OTUD7B: variants seen among roughly 807,000 people sequenced by gnomAD.
OTUD7B encodes OTU deubiquitinase 7B, also known as OTU domain-containing protein 7B.
Under a neutral mutation model 82.2 loss-of-function variants are expected in OTUD7B, and 34 were observed. The ratio of observed to expected loss-of-function variants is 0.41; its 90% CI spans 0.31 to 0.55. The LOEUF (loss-of-function observed/expected upper bound fraction) is 0.55, where lower values mean the gene tolerates loss of function less well. Among genes scored for constraint, OTUD7B ranks in the 20% least tolerant of loss-of-function variants. The pLI is 0.20. For missense variants in OTUD7B, 944 were observed against 1,062.1 expected (o/e 0.89, Z 1.55); for synonymous variants, 398 against 402.7 (o/e 0.99, Z 0.14).
chr1:149,998,077 T>G (rs587631500), intron 1 of OTUD7B, among the ~76,000 whole-genome samples: 48 of 152,260 alleles, frequency 3.2e-4, no homozygotes, highest in African/African-American at 1.1e-3. Context: ...CTCTCCTTAT[T>G]GCTATTACCC....
chr1:150,061,047 C>A, the OTUD7B span, among the ~76,000 whole-genome samples: 1 of 1,568 alleles, frequency 6.4e-4, no homozygotes, highest in African/African-American at 1.5e-3. Context: ...AAACAAAAAA[C>A]AAAAAAAATT....
the OTUD7B span, among the ~76,000 whole-genome samples, chr1:150,051,794 C>T: frequency 1.3e-5 from 2 of 152,048 alleles, no homozygotes; most frequent in African/African-American, 2.4e-5. Context: ...TAGTGTCCTA[C>T]ATTAAAGACA....
intron 7 of OTUD7B, among the ~76,000 whole-genome samples, chr1:149,950,789 G>GT (rs76513068): frequency 7.5e-6 from 1 of 132,732 alleles, no homozygotes; most frequent in African/African-American, 2.8e-5. Flanking sequence ...TGTGTTTTTT[G>GT]TTTTTTTTTC....
At chr1:149,945,517 G>C (rs782111934) in intron 11 of OTUD7B, among the ~76,000 whole-genome samples, 2 of 152,084 alleles carry the variant, frequency 1.3e-5, no homozygotes, top group Non-Finnish European at 1.5e-5. Context: ...CTAATCTCAA[G>C]AAAGTCTTGA....
upstream of OTUD7B, among the ~76,000 whole-genome samples, chr1:150,013,956 A>ACG (rs1374471251): frequency 1.6e-4 from 21 of 135,426 alleles, 1 homozygote; most frequent in East Asian, 4.1e-3. Flanking sequence ...ATACACACAC[A>ACG]CACACACACA....
chr1:149,941,076 C>T lies in OTUD7B; in HGVS notation c.*2781G>A, dbSNP rs1472546059. Reference sequence around the variant, plus strand: ...GCCTAAAGCCCCATTTTACCATATTCACCCCTAGACCACCCCTCAAAATTT... The same window carrying T: ...GCCTAAAGCCCCATTTTACCATATTTACCCCTAGACCACCCCTCAAAATTT... On this transcript the variant is annotated 3_prime_UTR_variant, in exon 12 of 12. Transcript: ENST00000581312. 6.6e-6 allele frequency: 1 copy of T among 152,124 alleles called. No homozygotes were observed. Among genetic ancestry groups the T allele is most frequent in the South Asian group, 2.1e-4 (1 of 4,828 alleles). 9.4% of individuals were successfully genotyped at this position (152,124 alleles called of 1,614,324 possible).
At chr1:149,991,609 C>A (rs1553782093) in intron 1 of OTUD7B, among the ~76,000 whole-genome samples, 1 of 152,138 alleles carries the variant, frequency 6.6e-6, no homozygotes, top group African/African-American at 2.4e-5. Context: ...TTATTCCATA[C>A]CCTCAAGTTA....
chr1:150,035,603 C>T, the OTUD7B span, among the ~76,000 whole-genome samples: 16 of 152,210 alleles, frequency 1.1e-4, no homozygotes, highest in African/African-American at 3.6e-4. Context: ...CTTCCTTAGG[C>T]TTACGTCATT....
At chr1:150,047,077 A>C in the OTUD7B span, among the ~76,000 whole-genome samples, 1 of 151,500 alleles carries the variant, frequency 6.6e-6, no homozygotes, top group Non-Finnish European at 1.5e-5. Context: ...TCTTGGAAAA[A>C]AAACAAAGTC....
the OTUD7B span, chr1:150,054,493 T>G: frequency 2.0e-6 from 1 of 495,838 alleles, no homozygotes. Context: ...TCCCAAAACA[T>G]CTTACTGATA....
At chr1:150,020,528 C>G in the OTUD7B span, among the ~76,000 whole-genome samples, 1 of 151,968 alleles carries the variant, frequency 6.6e-6, no homozygotes. Flanking sequence ...CAGAGCAAGA[C>G]TCCATCTCAA....
At chr1:150,035,760 C>T in the OTUD7B span, among the ~76,000 whole-genome samples, 1 of 152,070 alleles carries the variant, frequency 6.6e-6, no homozygotes, top group African/African-American at 2.4e-5. Context: ...GACACTGATG[C>T]CCAGAGAGTC....
the OTUD7B span, among the ~76,000 whole-genome samples, chr1:150,034,718 A>AT: frequency 3.3e-5 from 5 of 152,176 alleles, no homozygotes; most frequent in Non-Finnish European, 7.3e-5. Flanking sequence ...TGTTTTTAGT[A>AT]TTTTTTGGTA....
intron 1 of OTUD7B, among the ~76,000 whole-genome samples, chr1:150,010,219 C>CG (rs1652948206): frequency 6.6e-6 from 1 of 151,946 alleles, no homozygotes; most frequent in African/African-American, 2.4e-5. Flanking sequence ...AGCTGGAGAG[C>CG]GCGGGGTAGG....
Position 149,977,438 on chromosome 1 carries a change from C to T in OTUD7B, c.73G>A (p.Asp25Asn), listed in dbSNP as rs1553778817. 6.2e-7 allele frequency: 1 copy of T among 1,613,012 alleles called. No homozygotes were observed. Among genetic ancestry groups the T allele is most frequent in the Admixed American group, 1.7e-5 (1 of 60,026 alleles). The change falls in exon 2 of 12, where the codon GAT (aspartate) becomes AAT (asparagine). Residue 25 changes from aspartate to asparagine, a missense_variant. Around this residue, in one of 3 missense-constraint regions of OTUD7B, gnomAD observed 530 missense variants for 625.6 expected, o/e 0.85. Coordinates refer to ENST00000581312, the MANE Select transcript of OTUD7B (RefSeq NM_020205.4). The stretch of plus-strand genomic sequence containing the variant: ...TACAACTCCTCACCTTCTAGGAGAT[C>T]TCGCGCTAGCCCTGGCTCTGCTCCT... ...STGAEPGLAR[D>N]LLEGKNWDVN...
At chr1:150,003,198 T>C (rs1165578842) in intron 1 of OTUD7B, among the ~76,000 whole-genome samples, 2 of 144,530 alleles carry the variant, frequency 1.4e-5, no homozygotes, top group East Asian at 4.0e-4. Context: ...TGCAGTGAGC[T>C]GAGATTGTGC....
At position 149,987,728 on chromosome 1, in the gene OTUD7B, G is replaced by C. The variant is rs587697606; in HGVS notation, c.-66-10152C>G. ...ACGACCATTTCCAAAACAGAGTCTT[G>C]ACACATACACACAGTGCCCAGCCCA... On this transcript the variant is annotated intron_variant, in intron 1 of 11. Coordinates refer to ENST00000581312, the MANE Select transcript of OTUD7B (RefSeq NM_020205.4). Among the ~76,000 whole-genome samples the C allele has an allele frequency of 3.3e-5, 5 of 152,090 alleles. No homozygotes were observed. In the South Asian group the frequency reaches 1.0e-3, roughly 32 times the overall value.
the OTUD7B span, among the ~76,000 whole-genome samples, chr1:150,040,321 C>A: frequency 6.6e-6 from 1 of 152,190 alleles, no homozygotes; most frequent in African/African-American, 2.4e-5. Flanking sequence ...TTCAATTCAA[C>A]AAATATTCAT....
intron 3 of OTUD7B, among the ~76,000 whole-genome samples, chr1:149,969,441 C>T (rs909791497): frequency 6.6e-6 from 1 of 152,132 alleles, no homozygotes; most frequent in Non-Finnish European, 1.5e-5. Context: ...CAGAGGCAAA[C>T]TTTTGTATCC....
Sources: gnomAD v4.1 joint callset for allele counts (sites outside exome capture counted in the v4.1 genomes callset) on GRCh38, gnomAD v4.1.1 for gene constraint, gnomAD v4.1.1 regional missense constraint, MANE v1.5 for transcripts, NCBI Gene and HGNC (gene_info 2026-07-23, HGNC 2026-07-21) for gene names.